Variants in KLHL5 observed in about 807,000 individuals in gnomAD.
The protein encoded by KLHL5 is kelch like family member 5.
In KLHL5, 48 loss-of-function variants were observed where a neutral mutation model predicts 77.7. The observed-to-expected ratio is 0.62, with a 90% CI of 0.49 to 0.79. The LOEUF (loss-of-function observed/expected upper bound fraction) is 0.79, where lower values mean the gene tolerates loss of function less well. Ranked by LOEUF, KLHL5 falls within the 30% of genes least tolerant of loss-of-function variation. KLHL5 has a pLI of 0.00. For missense variants in KLHL5, 723 were observed against 859.7 expected (o/e 0.84, Z 1.99); for synonymous variants, 260 against 297.0 (o/e 0.88, Z 1.28).
chr4:39,069,228 C>T (rs181655090), intron 1 of KLHL5, among the ~76,000 whole-genome samples: 1 of 151,976 alleles, frequency 6.6e-6, no homozygotes, highest in Non-Finnish European at 1.5e-5. Context: ...GTCACATGGC[C>T]ACAACTGGTT....
At chr4:39,067,376 T>C (rs1031988350) in intron 1 of KLHL5, among the ~76,000 whole-genome samples, 1 of 152,158 alleles carries the variant, frequency 6.6e-6, no homozygotes, top group Non-Finnish European at 1.5e-5. Context: ...TCACATCATA[T>C]CAAAGATACA....
At chr4:39,063,588 A>G (rs1465905560) in intron 1 of KLHL5, 2 of 447,970 alleles carry the variant, frequency 4.5e-6, no homozygotes, top group Non-Finnish European at 9.0e-6. Context: ...AGACTAATAT[A>G]GAGAATACTA....
Position 39,122,810 on chromosome 4 carries a change from C to CA in KLHL5, c.*1753dup, listed in dbSNP as rs1293504616. Among the ~76,000 whole-genome samples, 14 of 146,042 alleles carry CA rather than the reference C, an allele frequency of 9.6e-5. No homozygotes were observed. Among genetic ancestry groups the CA allele is most frequent in the African/African-American group, 2.3e-4 (9 of 39,658 alleles). ...CCTGGGTGACAGAGCGAGACTCCAT[C>CA]AAAAAAAAATAAATAAAAAAAAAAT... On this transcript the variant is annotated 3_prime_UTR_variant, in exon 11 of 11. Coordinates refer to ENST00000504108, the MANE Select transcript of KLHL5 (RefSeq NM_015990.5).
In KLHL5 at chr4:39,122,812, A is replaced by G. The variant is rs909277926; in HGVS notation, c.*1746A>G. On this transcript the variant is annotated 3_prime_UTR_variant, in exon 11 of 11. Transcript: ENST00000504108. ...TGGGTGACAGAGCGAGACTCCATCA[A>G]AAAAAAATAAATAAAAAAAAAATAA... Among the ~76,000 whole-genome samples the G allele has an allele frequency of 6.0e-5, 9 of 151,158 alleles. No individual in the cohort carries two copies. The highest frequency in any genetic ancestry group is 2.2e-4 in the African/African-American group (9 of 41,132).
intron 5 of KLHL5, among the ~76,000 whole-genome samples, chr4:39,094,446 A>G (rs1181685831): frequency 2.6e-5 from 4 of 151,436 alleles, no homozygotes; most frequent in African/African-American, 9.7e-5. Context: ...TAATTAATAA[A>G]TAAATTTAAG....
chr4:39,112,938 AGAT>A, intron 8 of KLHL5, 79 bp from the exon 9 acceptor site: 6 of 1,219,670 alleles, frequency 4.9e-6, no homozygotes, highest in South Asian at 1.4e-5. Flanking sequence ...AAATTCAATG[AGAT>A]AACAACATAA....
At chr4:39,141,176 A>C in the KLHL5 span, among the ~76,000 whole-genome samples, 1 of 152,132 alleles carries the variant, frequency 6.6e-6, no homozygotes, top group African/African-American at 2.4e-5. Flanking sequence ...AGAGAACCAG[A>C]AACAGGTTCA....
At position 39,077,075 on chromosome 4, in the gene KLHL5, G is replaced by GAA. The variant is rs111230532; in HGVS notation, c.566+938_566+939dup. Among the ~76,000 whole-genome samples the GAA allele has an allele frequency of 2.5e-3, 349 of 138,896 alleles. 1 individual carries two copies. The highest frequency in any genetic ancestry group is 8.3e-3 in the African/African-American group (317 of 38,090). 91.1% of individuals were successfully genotyped at this position (138,896 alleles called of 152,430 possible). ...TCTACCAAAAAACTCAAATAAATCA[G>GAA]AAAAAAAAAAACAGTCCCATCAAAA... On this transcript the variant is annotated intron_variant, in intron 2 of 10. Coordinates refer to ENST00000504108, the MANE Select transcript of KLHL5 (RefSeq NM_015990.5).
intron 1 of KLHL5, among the ~76,000 whole-genome samples, chr4:39,046,052 T>C (rs1716161645): frequency 6.9e-6 from 1 of 145,198 alleles, no homozygotes; most frequent in Non-Finnish European, 1.5e-5. Flanking sequence ...TTTTTTTTTC[T>C]GGTTTTCAGC....
upstream of KLHL5, among the ~76,000 whole-genome samples, chr4:39,061,453 G>T (rs1011172738): frequency 9.9e-5 from 15 of 152,014 alleles, no homozygotes; most frequent in Non-Finnish European, 2.1e-4. Flanking sequence ...TTTTGTATTT[G>T]GTTCAATAGC....
At chr4:39,056,140 A>T (rs1330225163) in intron 1 of KLHL5, among the ~76,000 whole-genome samples, 1 of 152,170 alleles carries the variant, frequency 6.6e-6, no homozygotes, top group Admixed American at 6.6e-5. Flanking sequence ...GTGTATGTGT[A>T]TTGTGTCAAT....
chr4:39,102,148 A>G (rs1721629578), intron 6 of KLHL5, among the ~76,000 whole-genome samples: 2 of 151,378 alleles, frequency 1.3e-5, no homozygotes, highest in Non-Finnish European at 2.9e-5. Flanking sequence ...TAGTGCTCTG[A>G]TGACCAAATT....
intron 5 of KLHL5, among the ~76,000 whole-genome samples, chr4:39,094,007 A>G (rs1720834243): frequency 6.6e-6 from 1 of 152,314 alleles, no homozygotes; most frequent in South Asian, 2.1e-4. Flanking sequence ...ATGAAACACT[A>G]AAACCATATC....
intron 2 of KLHL5, among the ~76,000 whole-genome samples, chr4:39,078,482 G>A (rs533524704): frequency 6.6e-6 from 1 of 152,154 alleles, no homozygotes; most frequent in East Asian, 1.9e-4. Flanking sequence ...ATCACTTGAG[G>A]CCAGGAGTTC....
Position 39,076,098 on chromosome 4 carries a change from T to C in KLHL5, c.517T>C (p.Leu173=), listed in dbSNP as rs956515903. Residue 173 remains leucine, a synonymous_variant, in exon 2 of 11, where the codon TTG becomes CTG. Coordinates refer to ENST00000504108, the MANE Select transcript of KLHL5 (RefSeq NM_015990.5). ...KMENYLRHKQ[L]CDVILVAGDR... Reference sequence around the variant, plus strand: ...GGAAAACTATTTGAGACATAAACAGTTGTGTGATGTAATTTTAGTCGCTGG... The same window carrying C: ...GGAAAACTATTTGAGACATAAACAGCTGTGTGATGTAATTTTAGTCGCTGG... The C allele has an allele frequency of 4.4e-6, 7 of 1,607,620 alleles. No individual in the cohort carries two copies. Among genetic ancestry groups the C allele is most frequent in the Non-Finnish European group, 5.9e-6 (7 of 1,178,488 alleles).
At chr4:39,045,220 G>A (rs966760967) in intron 1 of KLHL5, 6 of 961,184 alleles carry the variant, frequency 6.2e-6, no homozygotes, top group Non-Finnish European at 7.4e-6. Context: ...CGAAGACGCT[G>A]CCCCTCCCGG....
At chr4:39,139,444 T>C in the KLHL5 span, among the ~76,000 whole-genome samples, 1 of 152,130 alleles carries the variant, frequency 6.6e-6, no homozygotes, top group East Asian at 1.9e-4. Flanking sequence ...GTGAAACTAT[T>C]CTGTATGACA....
chr4:39,077,681 A>G (rs1426715902), intron 2 of KLHL5, among the ~76,000 whole-genome samples: 1 of 141,250 alleles, frequency 7.1e-6, no homozygotes, highest in East Asian at 2.1e-4. Flanking sequence ...GATATTCCTT[A>G]AAGAACTAAA....
chr4:39,054,619 T>C lies in KLHL5; in HGVS notation c.-94-7940T>C, dbSNP rs573086952. Among the ~76,000 whole-genome samples the C allele has an allele frequency of 2.6e-5, 4 of 152,330 alleles. No individual in the cohort carries two copies. In the South Asian group the frequency reaches 8.3e-4, roughly 32 times the overall value. Reference sequence around the variant, plus strand: ...AGGAGGTGAAGTGATTTGCCCAAATTATACAGCTAGCTGGTGAGTGGCTTA... The same window carrying C: ...AGGAGGTGAAGTGATTTGCCCAAATCATACAGCTAGCTGGTGAGTGGCTTA... On this transcript the variant is annotated intron_variant, in intron 1 of 11. Transcript: ENST00000261425.
Sources: allele counts gnomAD v4.1 joint callset (sites outside exome capture counted in the v4.1 genomes callset), GRCh38; gene constraint gnomAD v4.1.1; transcripts MANE v1.5; gene names NCBI Gene and HGNC (gene_info 2026-07-23, HGNC 2026-07-21).